Variants in RAP1GDS1 observed in about 807,000 individuals in gnomAD.
The protein encoded by RAP1GDS1 is Rap1 GTPase-GDP dissociation stimulator 1.
RAP1GDS1 carries 35 observed loss-of-function variants against 71.1 expected under a neutral mutation model. The observed-to-expected ratio is 0.49, with a 90% CI of 0.38 to 0.65. The LOEUF is 0.65. RAP1GDS1 is among the 30% of genes least tolerant of loss of function. The pLI, the probability that RAP1GDS1 is intolerant of heterozygous loss-of-function variation, is 0.00. For missense variants in RAP1GDS1, 663 were observed against 706.1 expected, an observed-to-expected ratio of 0.94 and a Z score of 0.69; for synonymous variants, 229 against 243.1, an observed-to-expected ratio of 0.94 and a Z score of 0.54.
chr4:98,379,956 G>A (rs1741740980), intron 5 of RAP1GDS1, among the ~76,000 whole-genome samples: 1 of 151,588 alleles, frequency 6.6e-6, no homozygotes, highest in Non-Finnish European at 1.5e-5. Flanking sequence ...CATTTTATTT[G>A]CATATTAGAC....
intron 2 of RAP1GDS1, among the ~76,000 whole-genome samples, chr4:98,319,146 CT>C (rs1731391177): frequency 6.6e-6 from 1 of 152,156 alleles, no homozygotes; most frequent in Non-Finnish European, 1.5e-5. Flanking sequence ...CTTTACTAAA[CT>C]ATAAACTCTT....
chr4:98,398,617 G>A (rs1744905286), intron 6 of RAP1GDS1, among the ~76,000 whole-genome samples: 1 of 152,032 alleles, frequency 6.6e-6, no homozygotes, highest in African/African-American at 2.4e-5. Context: ...AGAAATAAAG[G>A]GTGTCAAAGT....
At chr4:98,394,417 G>A (rs1461482296) in intron 6 of RAP1GDS1, among the ~76,000 whole-genome samples, 1 of 152,100 alleles carries the variant, frequency 6.6e-6, no homozygotes, top group Non-Finnish European at 1.5e-5. Context: ...TTTGAGTTTA[G>A]TCACAGGAGT....
chr4:98,311,847 C>T (rs530134099), intron 2 of RAP1GDS1, among the ~76,000 whole-genome samples: 1 of 152,276 alleles, frequency 6.6e-6, no homozygotes, highest in Non-Finnish European at 1.5e-5. Flanking sequence ...CTATGTTGTC[C>T]AGGCTGGTCT....
intron 2 of RAP1GDS1, among the ~76,000 whole-genome samples, chr4:98,337,207 C>T (rs1734829769): frequency 6.6e-6 from 1 of 152,124 alleles, no homozygotes; most frequent in African/African-American, 2.4e-5. Context: ...CAGTCTGTTT[C>T]AGCCTGCTTC....
chr4:98,320,754 A>G (rs1448364558), intron 2 of RAP1GDS1, among the ~76,000 whole-genome samples: 6 of 150,948 alleles, frequency 4.0e-5, no homozygotes, highest in African/African-American at 1.5e-4. Flanking sequence ...GGACATCCAC[A>G]CCAAAAACCC....
At chr4:98,414,126 G>T (rs1747535766) in intron 7 of RAP1GDS1, among the ~76,000 whole-genome samples, 1 of 147,684 alleles carries the variant, frequency 6.8e-6, no homozygotes, top group Non-Finnish European at 1.5e-5. Flanking sequence ...CCCTTTGTCA[G>T]ATGAGTAGGT....
intron 11 of RAP1GDS1, 69 bp from the exon 12 acceptor site, chr4:98,421,186 A>G: frequency 1.4e-6 from 2 of 1,432,404 alleles, no homozygotes; most frequent in Non-Finnish European, 1.9e-6. Context: ...ACACTCTCAA[A>G]TCTGTACGAA....
intron 4 of RAP1GDS1, among the ~76,000 whole-genome samples, chr4:98,359,157 T>C (rs1254837600): frequency 1.3e-5 from 2 of 152,084 alleles, no homozygotes; most frequent in Non-Finnish European, 2.9e-5. Context: ...AATTGGACTT[T>C]TATGGAAAAA....
chr4:98,441,847 T>G (rs1176861117), intron 14 of RAP1GDS1, 143 bp from the exon 15 acceptor site: 6 of 894,748 alleles, frequency 6.7e-6, no homozygotes, highest in Non-Finnish European at 9.4e-6. Context: ...AGAAAGACAT[T>G]GCTAGGCTAC....
chr4:98,441,232 C>G lies in RAP1GDS1; in HGVS notation c.1697-758C>G, dbSNP rs557890363. On this transcript the variant is annotated intron_variant, in intron 14 of 14. Coordinates refer to ENST00000408927, the MANE Select transcript of RAP1GDS1 (RefSeq NM_001100427.2). ...AATAAACACATCAGTTTCAGTAGTA[C>G]TGATTACATTAAGCTTATTAGACTT... 9 of 611,196 alleles carry G rather than the reference C, an allele frequency of 1.5e-5. No homozygotes were observed. The Admixed American group carries it at 5.1e-4, about 34-fold the overall frequency. The allele number at this position is 611,196 out of a possible 1,614,324, so 37.9% of individuals were successfully genotyped here.
At chr4:98,309,822 T>C (rs1729942910) in intron 2 of RAP1GDS1, among the ~76,000 whole-genome samples, 1 of 151,900 alleles carries the variant, frequency 6.6e-6, no homozygotes, top group Non-Finnish European at 1.5e-5. Context: ...TGAAGAAATG[T>C]GAATATTTCA....
At chr4:98,390,989 T>C (rs537177510) in intron 5 of RAP1GDS1, among the ~76,000 whole-genome samples, 2 of 152,256 alleles carry the variant, frequency 1.3e-5, no homozygotes, top group South Asian at 4.1e-4. Flanking sequence ...ATCATTTTAA[T>C]GAGAAAAAAA....
intron 1 of RAP1GDS1, among the ~76,000 whole-genome samples, chr4:98,269,854 T>C (rs1723210904): frequency 6.6e-6 from 1 of 152,210 alleles, no homozygotes; most frequent in South Asian, 2.1e-4. Context: ...TAAAGCATTT[T>C]GCATAAGGGA....
chr4:98,379,425 G>A, intron 5 of RAP1GDS1: 1 of 281,316 alleles, frequency 3.6e-6, no homozygotes, highest in South Asian at 1.3e-4. Context: ...TATGATTTAA[G>A]CATTCTTACT....
At chr4:98,390,005 G>A (rs909061338) in intron 5 of RAP1GDS1, among the ~76,000 whole-genome samples, 1 of 152,086 alleles carries the variant, frequency 6.6e-6, no homozygotes, top group Non-Finnish European at 1.5e-5. Flanking sequence ...TAGTGCTCAC[G>A]CTTACATACC....
chr4:98,443,252 C>T lies in RAP1GDS1; in HGVS notation c.*1135C>T, dbSNP rs1752102863. On this transcript the variant is annotated 3_prime_UTR_variant, in exon 15 of 15. Coordinates refer to ENST00000408927, the MANE Select transcript of RAP1GDS1 (RefSeq NM_001100427.2). Reference sequence around the variant, plus strand: ...AATCGCTGTTAGAGTTTGCCACCTCCACTTTCCCACTGAGAACTGCAGCAA... The same window carrying T: ...AATCGCTGTTAGAGTTTGCCACCTCTACTTTCCCACTGAGAACTGCAGCAA... 1 of 232,496 alleles carries T rather than the reference C, an allele frequency of 4.3e-6. No homozygotes were observed. The highest frequency in any genetic ancestry group is 1.8e-4 in the South Asian group (1 of 5,514). The allele number at this position is 232,496 out of a possible 1,614,324, so 14.4% of individuals were successfully genotyped here.
chr4:98,324,001 C>A (rs1254448795), intron 2 of RAP1GDS1, among the ~76,000 whole-genome samples: 1 of 149,910 alleles, frequency 6.7e-6, no homozygotes, highest in Non-Finnish European at 1.5e-5. Flanking sequence ...TTGCAGACGA[C>A]ATGATTGTTT....
intron 6 of RAP1GDS1, among the ~76,000 whole-genome samples, chr4:98,398,098 C>A (rs1164168899): frequency 6.6e-6 from 1 of 151,908 alleles, no homozygotes; most frequent in Non-Finnish European, 1.5e-5. Context: ...AGGGCAATCT[C>A]TAACATGGAA....
Sources: allele counts gnomAD v4.1 joint callset (sites outside exome capture counted in the v4.1 genomes callset), GRCh38; gene constraint gnomAD v4.1.1; transcripts MANE v1.5; gene names NCBI Gene and HGNC (gene_info 2026-07-23, HGNC 2026-07-21).